TEX2: variants seen among roughly 807,000 people sequenced by gnomAD.
TEX2 encodes the protein testis-expressed protein 2.
A neutral mutation model predicts 106.9 loss-of-function variants in TEX2; 53 were observed. The ratio of observed to expected loss-of-function variants is 0.50; its 90% CI spans 0.40 to 0.62. TEX2 has a LOEUF of 0.62. TEX2 is among the 20% of genes least tolerant of loss of function. TEX2 has a pLI of 0.00. For synonymous variants in TEX2, 523 were observed against 534.8 expected, an observed-to-expected ratio of 0.98 and a Z score of 0.30; for missense variants, 1,207 against 1,379.0, an observed-to-expected ratio of 0.88 and a Z score of 1.98.
chr17:64,148,811 CCT>C lies in TEX2; in HGVS notation c.*156_*157del. 3.6e-6 allele frequency: 3 copies of C among 844,756 alleles called. No homozygotes were observed. Among genetic ancestry groups the C allele is most frequent in the Non-Finnish European group, 5.4e-6 (3 of 557,436 alleles). 52.3% of individuals were successfully genotyped at this position (844,756 alleles called of 1,614,324 possible). On this transcript the variant is annotated 3_prime_UTR_variant, in exon 12 of 12. Transcript: ENST00000584379. The stretch of plus-strand genomic sequence containing the variant: ...TTGTCACTAGATGCAGGGAATGACA[CCT>C]CACAGTGGAATGGGCACTGGCAGGC...
At chr17:64,178,558 C>T (rs577721980) in intron 5 of TEX2, among the ~76,000 whole-genome samples, 129 of 151,592 alleles carry the variant, frequency 8.5e-4, no homozygotes, top group Non-Finnish European at 1.3e-3. Flanking sequence ...CTGTGTGTGG[C>T]GGTGGGGGTG....
At chr17:64,171,393 G>A (rs1398391884) in intron 6 of TEX2, among the ~76,000 whole-genome samples, 194 bp from the exon 7 acceptor site, 5 of 152,130 alleles carry the variant, frequency 3.3e-5, no homozygotes, top group African/African-American at 1.2e-4. Flanking sequence ...GGTCAGGCCA[G>A]GGCCTGGCTC....
At chr17:64,201,306 C>A (rs1477293757) in intron 2 of TEX2, among the ~76,000 whole-genome samples, 1 of 152,182 alleles carries the variant, frequency 6.6e-6, no homozygotes, top group East Asian at 1.9e-4. Context: ...GGCCCCTACA[C>A]CTCACCCTCT....
In TEX2 at chr17:64,213,458, G is replaced by C. The variant is rs782302291; in HGVS notation, c.760C>G (p.Arg254Gly). The change falls in exon 2 of 12, where the codon CGA becomes GGA. Residue 254 changes from arginine (R) to glycine (G), a missense_variant. Coordinates refer to ENST00000584379, the MANE Select transcript of TEX2 (RefSeq NM_001288732.2). The surrounding 1 kb of genome is among the most constrained non-coding windows in gnomAD (Gnocchi z 4.4). ...GTTTTGGAATCTCCACCTGTGTTTC[G>C]GGGCTGTGTGAACTGCTTGAACAGG... ...LHLFKQFTQP[R>G]NTGGDSKTAP... is the part of the protein sequence containing the mutation. 3.2e-5 allele frequency: 51 copies of C among 1,614,028 alleles called. No individual in the cohort carries two copies. The highest frequency in any genetic ancestry group is 4.3e-5 in the Non-Finnish European group (51 of 1,180,050).
At chr17:64,167,333 T>C (rs1045359887) in intron 7 of TEX2, among the ~76,000 whole-genome samples, 7 of 152,148 alleles carry the variant, frequency 4.6e-5, no homozygotes, top group Non-Finnish European at 1.0e-4. Context: ...CTTTGATCTG[T>C]AGGATGGTCA....
intron 7 of TEX2, among the ~76,000 whole-genome samples, chr17:64,162,206 T>C (rs2030920191): frequency 6.6e-6 from 1 of 152,246 alleles, no homozygotes; most frequent in South Asian, 2.1e-4. Context: ...ATTAAGCAGT[T>C]AGAAAGAATT....
At position 64,213,881 on chromosome 17, in the gene TEX2, T is replaced by G. The variant is rs781872151; in HGVS notation, c.337A>C (p.Thr113Pro). 7 of 1,614,130 alleles carry G rather than the reference T, an allele frequency of 4.3e-6. No homozygotes were observed. Among genetic ancestry groups the G allele is most frequent in the Non-Finnish European group, 5.9e-6 (7 of 1,180,014 alleles). The change falls in exon 2 of 12, where the codon ACT becomes CCT. Residue 113 changes from threonine to proline, a missense_variant. Thr to Pro is a conservative substitution (Grantham distance 38, BLOSUM62 -1). Around this residue, in one of 3 missense-constraint regions of TEX2, gnomAD observed 1,067 missense variants for 1,193.6 expected, o/e 0.89. Coordinates refer to ENST00000584379, the MANE Select transcript of TEX2 (RefSeq NM_001288732.2). The surrounding 1 kb of genome is among the most constrained non-coding windows in gnomAD (Gnocchi z 4.4). ...ACAGGGGACTCCAACAGCTTTACAGTGTTCTTGGAGACGGGCAAAATGGCA... is the reference window on the plus strand; with the variant it reads ...ACAGGGGACTCCAACAGCTTTACAGGGTTCTTGGAGACGGGCAAAATGGCA... ...APAILPVSKN[T>P]VKLLESPVPA...
intron 5 of TEX2, among the ~76,000 whole-genome samples, chr17:64,177,913 T>G (rs1000818984): frequency 6.6e-6 from 1 of 152,190 alleles, no homozygotes; most frequent in Non-Finnish European, 1.5e-5. Context: ...AGGACTCAAG[T>G]TCAGCCTGAA....
chr17:64,243,743 G>A (rs775496408), intron 1 of TEX2, among the ~76,000 whole-genome samples: 2 of 152,108 alleles, frequency 1.3e-5, no homozygotes, highest in Middle Eastern at 3.2e-3. Flanking sequence ...GGATTTCTGC[G>A]GAGAGAGTTC....
chr17:64,243,170 G>A (rs1195134537), intron 1 of TEX2, among the ~76,000 whole-genome samples: 1 of 151,562 alleles, frequency 6.6e-6, no homozygotes, highest in Non-Finnish European at 1.5e-5. Flanking sequence ...CTCGTGATCC[G>A]CCTGCCTCGG....
chr17:64,255,361 C>T (rs2034165206), intron 1 of TEX2, among the ~76,000 whole-genome samples: 1 of 152,128 alleles, frequency 6.6e-6, no homozygotes, highest in South Asian at 2.1e-4. Flanking sequence ...TATAATTATG[C>T]AGTGTGCAGG....
rs1395549264 is a variant in TEX2, at chr17:64,205,602, A to AT, written c.1644+6971dup. On this transcript the variant is annotated intron_variant, in intron 2 of 11. Transcript: ENST00000584379. This position sits in a 1 kb window ranked among gnomAD's most constrained non-coding sequence, Gnocchi z 4.0. ...TAATTTCTTGAAAGAATTTCAACAA[A>AT]TTGAGATTAAATTTACAAATTGGAA... Among the ~76,000 whole-genome samples, 2 of 152,214 alleles carry AT rather than the reference A, an allele frequency of 1.3e-5. No individual in the cohort carries two copies. The highest frequency in any genetic ancestry group is 4.8e-5 in the African/African-American group (2 of 41,452).
intron 1 of TEX2, among the ~76,000 whole-genome samples, chr17:64,247,091 A>G (rs1471530026): frequency 6.6e-6 from 1 of 151,930 alleles, no homozygotes; most frequent in Non-Finnish European, 1.5e-5. Context: ...CAGCCTGACC[A>G]ACATGGTGAA....
At chr17:64,177,219 T>A (rs1046749999) in intron 6 of TEX2, 106 bp downstream of exon 6, 203 of 1,351,496 alleles carry the variant, frequency 1.5e-4, no homozygotes, top group Non-Finnish European at 1.9e-4. Context: ...CCCTCATATG[T>A]TATACGTTTA....
chr17:64,189,145 A>G (rs1027181263), intron 4 of TEX2, among the ~76,000 whole-genome samples: 1 of 152,214 alleles, frequency 6.6e-6, no homozygotes, highest in African/African-American at 2.4e-5. Context: ...TGCATCAAGC[A>G]CTTTCAAGCA....
chr17:64,205,547 G>A lies in TEX2; in HGVS notation c.1644+7027C>T, dbSNP rs1598176995. Among the ~76,000 whole-genome samples, 1 of 151,928 alleles carries A rather than the reference G, an allele frequency of 6.6e-6. No individual in the cohort carries two copies. Among genetic ancestry groups the A allele is most frequent in the Non-Finnish European group, 1.5e-5 (1 of 67,980 alleles). On this transcript the variant is annotated intron_variant, in intron 2 of 11. Coordinates refer to ENST00000584379, the MANE Select transcript of TEX2 (RefSeq NM_001288732.2). This position sits in a 1 kb window ranked among gnomAD's most constrained non-coding sequence, Gnocchi z 4.0. ...CAAGTCTCTTTGGGCTGCATGTAAT[G>A]GCCATTTTCTCCTAAAGACTTGCTT... is the stretch of plus-strand genomic sequence containing the variant.
chr17:64,229,712 C>G (rs1296812392), intron 1 of TEX2, among the ~76,000 whole-genome samples: 2 of 152,102 alleles, frequency 1.3e-5, no homozygotes, highest in Non-Finnish European at 2.9e-5. Flanking sequence ...ATACAAGGAT[C>G]TAAATTTTAA....
intron 7 of TEX2, among the ~76,000 whole-genome samples, chr17:64,169,176 T>C (rs1359586572): frequency 6.6e-6 from 1 of 152,228 alleles, no homozygotes; most frequent in East Asian, 1.9e-4. Context: ...GTCACTGGGA[T>C]TACAGGCACA....
intron 1 of TEX2, among the ~76,000 whole-genome samples, chr17:64,250,580 C>T (rs1345507364): frequency 6.6e-6 from 1 of 152,218 alleles, no homozygotes; most frequent in Non-Finnish European, 1.5e-5. Context: ...GTCTACTACA[C>T]CTGCCGGAGG....
Sources: gnomAD v4.1 joint callset for allele counts (sites outside exome capture counted in the v4.1 genomes callset) on GRCh38, gnomAD v4.1.1 for gene constraint, gnomAD v4.1.1 regional missense constraint, Gnocchi (gnomAD v3.1) non-coding constraint, MANE v1.5 for transcripts, NCBI Gene and HGNC (gene_info 2026-07-23, HGNC 2026-07-21) for gene names.